Variants in TLN2 observed in about 807,000 individuals in gnomAD.
TLN2 encodes talin-2.
Under a neutral mutation model 294.7 loss-of-function variants are expected in TLN2, and 118 were observed. The observed-to-expected ratio is 0.40, with a 90% CI of 0.34 to 0.47. TLN2 has a LOEUF of 0.47. Ranked by LOEUF, TLN2 falls within the 20% of genes least tolerant of loss-of-function variation. The pLI, the probability that TLN2 is intolerant of heterozygous loss-of-function variation, is 0.84. For missense variants in TLN2, 3,083 were observed against 3,282.2 expected, an observed-to-expected ratio of 0.94 and a Z score of 1.48; for synonymous variants, 1,431 against 1,304.5, an observed-to-expected ratio of 1.10 and a Z score of -2.09.
At chr15:62,518,328 C>G (rs7177537) in intron 1 of TLN2, among the ~76,000 whole-genome samples, 49,083 of 151,990 alleles carry the variant, frequency 0.32, 8,380 homozygotes, top group East Asian at 0.57. Flanking sequence ...TGAGCCACCA[C>G]CAGCACATTT....
chr15:62,438,135 AC>A (rs747565323), intron 1 of TLN2, among the ~76,000 whole-genome samples: 3 of 152,182 alleles, frequency 2.0e-5, no homozygotes, highest in Non-Finnish European at 4.4e-5. Context: ...AGTCAAACTT[AC>A]TTCCAGGATG....
intron 1 of TLN2, among the ~76,000 whole-genome samples, chr15:62,585,512 A>T (rs187014053): frequency 6.6e-6 from 1 of 152,248 alleles, no homozygotes; most frequent in East Asian, 1.9e-4. Context: ...GGGGTTGGGG[A>T]TGCAGGAGCA....
chr15:62,512,729 TC>T (rs1229138426), intron 1 of TLN2, among the ~76,000 whole-genome samples: 1 of 152,178 alleles, frequency 6.6e-6, no homozygotes, highest in Non-Finnish European at 1.5e-5. Flanking sequence ...TGGCTGTTTG[TC>T]CAGATGTTAT....
At chr15:62,491,349 TATACACAC>T (rs1363846110) in intron 1 of TLN2, among the ~76,000 whole-genome samples, 1,224 of 84,424 alleles carry the variant, frequency 0.014, 6 homozygotes, top group South Asian at 0.027. Context: ...TATATATATA[TATACACAC>T]ACACACACAC....
chr15:62,528,468 G>A (rs963394902), intron 1 of TLN2, among the ~76,000 whole-genome samples: 1 of 152,082 alleles, frequency 6.6e-6, no homozygotes, highest in Non-Finnish European at 1.5e-5. Context: ...CCTGGCTTGG[G>A]CATGTCCAGA....
At chr15:62,426,442 G>C (rs1016692583) in intron 1 of TLN2, among the ~76,000 whole-genome samples, 3 of 152,226 alleles carry the variant, frequency 2.0e-5, no homozygotes, top group Non-Finnish European at 2.9e-5. Flanking sequence ...TTCTGACTGG[G>C]AGGAGACAGA....
intron 9 of TLN2, among the ~76,000 whole-genome samples, chr15:62,665,549 G>A (rs2054520331): frequency 6.6e-6 from 1 of 152,152 alleles, no homozygotes; most frequent in East Asian, 1.9e-4. Context: ...GCAGGTCACA[G>A]GCTTAGGAAA....
At chr15:62,480,591 T>A (rs977536692) in intron 1 of TLN2, among the ~76,000 whole-genome samples, 4 of 152,226 alleles carry the variant, frequency 2.6e-5, no homozygotes, top group African/African-American at 9.6e-5. Flanking sequence ...TGTTGATATA[T>A]TTAAAAATAA....
chr15:62,722,322 G>C, intron 25 of TLN2, 31 bp from the exon 26 acceptor site: 1 of 1,587,278 alleles, frequency 6.3e-7, no homozygotes, highest in African/African-American at 1.3e-5. Context: ...CTGCCCAGGA[G>C]CCATCTTACT....
At chr15:62,564,516 C>T (rs1208844519) in intron 1 of TLN2, among the ~76,000 whole-genome samples, 1 of 152,196 alleles carries the variant, frequency 6.6e-6, no homozygotes, top group Non-Finnish European at 1.5e-5. Flanking sequence ...CTGAGGTTAG[C>T]TGCACCCCTG....
chr15:62,721,069 C>A (rs568673734), intron 25 of TLN2, among the ~76,000 whole-genome samples: 2 of 151,786 alleles, frequency 1.3e-5, no homozygotes, highest in Admixed American at 1.3e-4. Flanking sequence ...AGATGTGTTC[C>A]TGGTTCCACT....
chr15:62,647,259 T>C lies in TLN2; in HGVS notation c.-36-16T>C. ...ATTATCGTGAACATCAGGGTTTGTC[T>C]CTTTGTGTTTTCCAGACATTCTAAG... On this transcript the variant is annotated splice_polypyrimidine_tract_variant and intron_variant, in intron 3 of 58. Transcript: ENST00000636159. 1 of 1,581,898 alleles carries C rather than the reference T, an allele frequency of 6.3e-7. No individual in the cohort carries two copies. The highest frequency in any genetic ancestry group is 8.6e-7 in the Non-Finnish European group (1 of 1,160,340).
intron 57 of TLN2, 157 bp downstream of exon 57, chr15:62,836,230 C>A: frequency 1.0e-6 from 1 of 1,001,468 alleles, no homozygotes; most frequent in Non-Finnish European, 1.5e-6. Context: ...GTCCATGCAT[C>A]CTCCACTGCT....
chr15:62,539,701 G>A lies in TLN2; in HGVS notation c.-237-49986G>A, dbSNP rs535031003. Reference sequence around the variant, plus strand: ...GCTCATTATCTCAGGTGAACCACTCGGACATTGAGCATCTACCTGGCATGA... The same window carrying A: ...GCTCATTATCTCAGGTGAACCACTCAGACATTGAGCATCTACCTGGCATGA... On this transcript the variant is annotated intron_variant, in intron 1 of 58. Transcript: ENST00000636159. Among the ~76,000 whole-genome samples the A allele has an allele frequency of 9.2e-5, 14 of 152,198 alleles. No individual in the cohort carries two copies. In the South Asian group the frequency reaches 1.7e-3, roughly 18 times the overall value.
At chr15:62,733,872 G>A (rs2060863002) in intron 28 of TLN2, 1 of 152,232 alleles carries the variant, frequency 6.6e-6, no homozygotes, top group Non-Finnish European at 1.5e-5. Context: ...TTGACTACAG[G>A]AACAGTTCCA....
chr15:62,806,079 C>G (rs1459568163), intron 51 of TLN2, among the ~76,000 whole-genome samples: 1 of 152,072 alleles, frequency 6.6e-6, no homozygotes, highest in Non-Finnish European at 1.5e-5. Context: ...GTGGTCCTAG[C>G]TACTCAGAAT....
chr15:62,737,172 T>C, intron 29 of TLN2, 86 bp downstream of exon 29: 1 of 1,370,772 alleles, frequency 7.3e-7, no homozygotes, highest in South Asian at 1.3e-5. Flanking sequence ...CACTTTTCCC[T>C]GATATGAACA....
intron 54 of TLN2, 89 bp downstream of exon 54, chr15:62,820,699 C>G: frequency 6.6e-7 from 1 of 1,511,562 alleles, no homozygotes; most frequent in Non-Finnish European, 8.9e-7. Flanking sequence ...CTGCAGGGAG[C>G]TTGGCTCCTT....
At chr15:62,731,156 T>G (rs996162173) in intron 28 of TLN2, among the ~76,000 whole-genome samples, 1 of 152,234 alleles carries the variant, frequency 6.6e-6, no homozygotes, top group African/African-American at 2.4e-5. Context: ...TACTTATAGT[T>G]TGTGTCTCTG....
Sources: allele counts gnomAD v4.1 joint callset (sites outside exome capture counted in the v4.1 genomes callset), GRCh38; gene constraint gnomAD v4.1.1; transcripts MANE v1.5; gene names NCBI Gene and HGNC (gene_info 2026-07-23, HGNC 2026-07-21).